The following VAV2 variants were observed in gnomAD, a reference collection of about 807,000 sequenced individuals.
VAV2 encodes the protein guanine nucleotide exchange factor VAV2.
VAV2 carries 67 observed loss-of-function variants against 132.5 expected under a neutral mutation model. The ratio of observed to expected loss-of-function variants is 0.51; its 90% CI spans 0.42 to 0.62. VAV2 has a LOEUF of 0.62. Among genes scored for constraint, VAV2 ranks in the 20% least tolerant of loss-of-function variants. VAV2 has a pLI of 0.00. For missense variants in VAV2, 938 were observed against 1,153.6 expected, an observed-to-expected ratio of 0.81 and a Z score of 2.71; for synonymous variants, 492 against 443.5, an observed-to-expected ratio of 1.11 and a Z score of -1.37.
intron 3 of VAV2, among the ~76,000 whole-genome samples, chr9:133,842,830 C>A (rs536918451): frequency 4.4e-4 from 67 of 152,290 alleles, no homozygotes; most frequent in African/African-American, 1.5e-3. Context: ...GGGAGCCGGG[C>A]CCTAGCCCTT....
rs1833850928 is a variant in VAV2, at chr9:133,777,325, A to G, written c.1965+64T>C. ...GCCAAAAATGTCCACGTGAGGAGGC[A>G]GCTCCCAGAACCCTCAGCACCCAGG... On this transcript the variant is annotated intron_variant, in intron 23 of 29. Transcript: ENST00000371850. 34 of 1,551,600 alleles carry G rather than the reference A, an allele frequency of 2.2e-5. No individual in the cohort carries two copies. The South Asian group carries it at 3.6e-4, about 17-fold the overall frequency.
chr9:133,889,267 C>T (rs781662560), intron 2 of VAV2, among the ~76,000 whole-genome samples: 4 of 152,156 alleles, frequency 2.6e-5, no homozygotes, highest in Non-Finnish European at 5.9e-5. Context: ...CCTCTTACAG[C>T]GGGTGCCGAA....
intron 2 of VAV2, among the ~76,000 whole-genome samples, chr9:133,892,639 G>T (rs991006853): frequency 2.0e-5 from 3 of 152,114 alleles, no homozygotes; most frequent in Admixed American, 6.5e-5. Flanking sequence ...TCGGGCGTCA[G>T]AGTCCAGCAG....
chr9:133,768,586 G>A lies in VAV2; in HGVS notation c.2445C>T (p.Pro815=). 1 of 1,613,772 alleles carries A rather than the reference G, an allele frequency of 6.2e-7. No homozygotes were observed. The change falls in exon 29 of 30, where the codon CCC becomes CCT. Residue 815 remains proline (P), a synonymous_variant. Transcript: ENST00000371850. This position sits in a 1 kb window ranked among gnomAD's most constrained non-coding sequence, Gnocchi z 5.3. The part of the protein sequence containing the change: ...PSAPFWSVFT[P]RVIGTAVARY... ...TGGCCACAGCTGTGCCGATGACGCG[G>A]GGCGTGAACACTGTTGAGGGAGATG... is the stretch of plus-strand genomic sequence containing the variant.
rs565514463 is a variant in VAV2, at chr9:133,833,720, C to G, written c.449+552G>C. On this transcript the variant is annotated intron_variant, in intron 4 of 29. Coordinates refer to ENST00000371850, the MANE Select transcript of VAV2 (RefSeq NM_001134398.2). The surrounding 1 kb of genome is among the most constrained non-coding windows in gnomAD (Gnocchi z 5.6). ...TGCTGTGGCCAGGCTTGGGCAGCGC[C>G]TGGGTGGAGCAGAGGCCTCTCAGAG... 6.6e-6 allele frequency among the ~76,000 whole-genome samples: 1 copy of G among 152,178 alleles called. No homozygotes were observed. Among genetic ancestry groups the G allele is most frequent in the Non-Finnish European group, 1.5e-5 (1 of 68,006 alleles).
At chr9:133,958,788 C>A (rs1241450424) in intron 1 of VAV2, among the ~76,000 whole-genome samples, 1 of 152,254 alleles carries the variant, frequency 6.6e-6, no homozygotes, top group East Asian at 1.9e-4. Context: ...TCACCACCTG[C>A]ATTCATCCAT....
At chr9:133,937,535 TGA>T (rs746333446) in intron 2 of VAV2, among the ~76,000 whole-genome samples, 13 of 100,614 alleles carry the variant, frequency 1.3e-4, no homozygotes, top group East Asian at 8.0e-4. Context: ...AGAGTGTGTG[TGA>T]GAGTGTGTGT....
chr9:133,870,769 ATGGATAAGTGGGTATGTGGG>A (rs1371345876), intron 2 of VAV2, among the ~76,000 whole-genome samples: 3 of 137,578 alleles, frequency 2.2e-5, no homozygotes, highest in Non-Finnish European at 3.1e-5. Context: ...GGACAGATGG[ATGGATAAGTGGGTATGTGGG>A]TGGATAAGTG....
At chr9:133,876,637 G>A (rs1838277785) in intron 2 of VAV2, among the ~76,000 whole-genome samples, 2 of 152,212 alleles carry the variant, frequency 1.3e-5, no homozygotes, top group African/African-American at 4.8e-5. Context: ...GCTTCAGGCT[G>A]CAAAGAGGAT....
At chr9:133,950,631 G>A (rs144283466) in intron 1 of VAV2, among the ~76,000 whole-genome samples, 2 of 152,274 alleles carry the variant, frequency 1.3e-5, no homozygotes, top group Admixed American at 1.3e-4. Flanking sequence ...CATCTTCCCT[G>A]AGCCGGCTTC....
At chr9:133,852,051 G>T (rs1377401882) in intron 3 of VAV2, among the ~76,000 whole-genome samples, 4 of 152,078 alleles carry the variant, frequency 2.6e-5, no homozygotes, top group African/African-American at 7.2e-5. Flanking sequence ...TGGATGTATG[G>T]ATGGATGGAT....
chr9:133,776,434 C>G (rs572211745), intron 23 of VAV2, among the ~76,000 whole-genome samples: 1 of 152,192 alleles, frequency 6.6e-6, no homozygotes, highest in South Asian at 2.1e-4. Flanking sequence ...CTGGAAACCC[C>G]GGGGTGGGGG....
chr9:133,899,854 T>C (rs1005121644), intron 2 of VAV2, among the ~76,000 whole-genome samples: 2 of 151,204 alleles, frequency 1.3e-5, no homozygotes, highest in African/African-American at 4.8e-5. Context: ...ACCCCATCTC[T>C]ACTAAAAGTA....
chr9:133,788,151 G>A lies in VAV2; in HGVS notation c.1407+203C>T, dbSNP rs1834305497. Among the ~76,000 whole-genome samples, 1 of 152,228 alleles carries A rather than the reference G, an allele frequency of 6.6e-6. No individual in the cohort carries two copies. The highest frequency in any genetic ancestry group is 2.4e-5 in the African/African-American group (1 of 41,460). ...GGGGCGCTGGGCCCGGCGAGGAGCA[G>A]GCCTGCTATGAGCAGTGGTCACGAC... is the stretch of plus-strand genomic sequence containing the variant. On this transcript the variant is annotated intron_variant, in intron 15 of 29. Transcript: ENST00000371850. The surrounding 1 kb of genome is among the most constrained non-coding windows in gnomAD (Gnocchi z 5.3).
chr9:133,877,658 A>G (rs910444835), intron 2 of VAV2, among the ~76,000 whole-genome samples: 1 of 152,074 alleles, frequency 6.6e-6, no homozygotes, highest in African/African-American at 2.4e-5. Flanking sequence ...CTCACCCCAG[A>G]ACCCCCCTCT....
rs893280297 is a variant in VAV2, at chr9:133,833,741, C to CA, written c.449+530dup. Among the ~76,000 whole-genome samples, 9 of 152,156 alleles carry CA rather than the reference C, an allele frequency of 5.9e-5. No homozygotes were observed. Among genetic ancestry groups the CA allele is most frequent in the African/African-American group, 2.2e-4 (9 of 41,448 alleles). Reference sequence around the variant, plus strand: ...GCGCCTGGGTGGAGCAGAGGCCTCTCAGAGAGAGGAATGAGGTGGACACGG... The same window carrying CA: ...GCGCCTGGGTGGAGCAGAGGCCTCTCAAGAGAGAGGAATGAGGTGGACACGG... On this transcript the variant is annotated intron_variant, in intron 4 of 29. Coordinates refer to ENST00000371850, the MANE Select transcript of VAV2 (RefSeq NM_001134398.2). This position sits in a 1 kb window ranked among gnomAD's most constrained non-coding sequence, Gnocchi z 5.6.
intron 2 of VAV2, among the ~76,000 whole-genome samples, chr9:133,903,332 C>T (rs921279885): frequency 2.0e-5 from 3 of 152,174 alleles, no homozygotes; most frequent in Admixed American, 6.5e-5. Context: ...CGGGCCCCTT[C>T]CTCTACCCCA....
At chr9:133,949,602 G>A (rs1841486990) in intron 1 of VAV2, among the ~76,000 whole-genome samples, 1 of 152,196 alleles carries the variant, frequency 6.6e-6, no homozygotes, top group Admixed American at 6.5e-5. Flanking sequence ...CCACACTCCA[G>A]GCAATGCTGC....
chr9:133,793,863 A>G (rs1834599061), intron 12 of VAV2, among the ~76,000 whole-genome samples: 1 of 152,168 alleles, frequency 6.6e-6, no homozygotes, highest in African/African-American at 2.4e-5. Flanking sequence ...GCCCAGGTAC[A>G]GCGACGACTC....
Sources: allele counts gnomAD v4.1 joint callset (sites outside exome capture counted in the v4.1 genomes callset), GRCh38; gene constraint gnomAD v4.1.1; non-coding constraint Gnocchi (gnomAD v3.1); transcripts MANE v1.5; gene names NCBI Gene and HGNC (gene_info 2026-07-23, HGNC 2026-07-21).